CRISPLD2: variants seen among roughly 807,000 people sequenced by gnomAD.
CRISPLD2 encodes cysteine rich secretory protein LCCL domain containing 2, also known as cysteine-rich secretory protein LCCL domain-containing 2.
CRISPLD2 carries 47 observed loss-of-function variants against 71.1 expected under a neutral mutation model. The observed-to-expected ratio is 0.66, with a 90% CI of 0.52 to 0.84. CRISPLD2 has a LOEUF of 0.84. CRISPLD2 is among the 40% of genes least tolerant of loss of function. The pLI is 0.00. For missense variants in CRISPLD2, 830 were observed against 651.1 expected, an observed-to-expected ratio of 1.27 and a Z score of -2.99; for synonymous variants, 317 against 250.1, an observed-to-expected ratio of 1.27 and a Z score of -2.52.
chr16:84,903,212 C>T lies in CRISPLD2; in HGVS notation c.1440-3376C>T, dbSNP rs547714045. ...TTAATGCTCCCCTCCTCCCACCTTC[C>T]GGGTCTCCTCTCCAGCCTGGCCCCT... On this transcript the variant is annotated intron_variant, in intron 14 of 14. Transcript: ENST00000262424. 6.6e-5 allele frequency among the ~76,000 whole-genome samples: 10 copies of T among 152,282 alleles called. No homozygotes were observed. The South Asian group carries it at 8.3e-4, about 13-fold the overall frequency.
chr16:84,882,593 C>G (rs145968357), intron 13 of CRISPLD2, among the ~76,000 whole-genome samples: 1 of 152,050 alleles, frequency 6.6e-6, no homozygotes, highest in African/African-American at 2.4e-5. Context: ...TTAGTAGAGA[C>G]GGGGTTTCAC....
At chr16:84,841,387 G>T (rs537409933) in intron 2 of CRISPLD2, among the ~76,000 whole-genome samples, 1 of 152,288 alleles carries the variant, frequency 6.6e-6, no homozygotes, top group African/African-American at 2.4e-5. Flanking sequence ...CAAAAAGCCA[G>T]CAGGGCCATG....
intron 14 of CRISPLD2, among the ~76,000 whole-genome samples, chr16:84,890,611 C>T (rs1013087464): frequency 6.6e-6 from 1 of 151,778 alleles, no homozygotes; most frequent in East Asian, 2.0e-4. Context: ...CCTTAAATCC[C>T]TAGAAGTGGG....
rs182692512 is a variant in CRISPLD2, at chr16:84,892,019, C to T, written c.1439+2656C>T. On this transcript the variant is annotated intron_variant, in intron 14 of 14. Coordinates refer to ENST00000262424, the MANE Select transcript of CRISPLD2 (RefSeq NM_031476.4). The stretch of plus-strand genomic sequence containing the variant: ...TTAAGACTTTGCTTTTCTTGCTCCT[C>T]AGACTCTCTGCTCCTCCGTCCTGTG... Among the ~76,000 whole-genome samples, 355 of 152,342 alleles carry T rather than the reference C, an allele frequency of 2.3e-3. 2 individuals carry two copies. Among genetic ancestry groups the T allele is most frequent in the African/African-American group, 8.2e-3 (343 of 41,582 alleles).
At chr16:84,890,808 A>G (rs776557084) in intron 14 of CRISPLD2, among the ~76,000 whole-genome samples, 112 of 152,274 alleles carry the variant, frequency 7.4e-4, no homozygotes, top group Non-Finnish European at 1.0e-3. Flanking sequence ...AAAAAAGAAA[A>G]AAAGACCAAA....
chr16:84,874,142 G>A (rs1395640090), intron 11 of CRISPLD2, among the ~76,000 whole-genome samples, 179 bp downstream of exon 11: 2 of 152,118 alleles, frequency 1.3e-5, no homozygotes, highest in Non-Finnish European at 2.9e-5. Flanking sequence ...AGAATATCTG[G>A]ACTGGAAATT....
At chr16:84,893,027 C>T (rs1436481664) in intron 14 of CRISPLD2, among the ~76,000 whole-genome samples, 1 of 150,556 alleles carries the variant, frequency 6.6e-6, no homozygotes, top group South Asian at 2.1e-4. Context: ...ATTCATCACG[C>T]ACCTGTGCTG....
At chr16:84,902,976 C>T (rs1198120490) in intron 14 of CRISPLD2, among the ~76,000 whole-genome samples, 3 of 151,832 alleles carry the variant, frequency 2.0e-5, no homozygotes, top group African/African-American at 7.3e-5. Flanking sequence ...CTGTGTTGAG[C>T]AGGCTGGTCT....
chr16:84,904,005 A>G (rs1027121801), intron 14 of CRISPLD2, among the ~76,000 whole-genome samples: 1 of 152,188 alleles, frequency 6.6e-6, no homozygotes. Context: ...ACCTCTGGCC[A>G]TTGTCAGGAA....
rs901368237 is a variant in CRISPLD2, at chr16:84,908,183, T to C, written c.*1541T>C. 1 of 152,206 alleles carries C rather than the reference T, an allele frequency of 6.6e-6. No individual in the cohort carries two copies. The highest frequency in any genetic ancestry group is 2.4e-5 in the African/African-American group (1 of 41,432). 9.4% of individuals were successfully genotyped at this position (152,206 alleles called of 1,614,324 possible). A position where few individuals can be genotyped will look rare whatever the true frequency, so the allele number is the denominator to read the frequency against. ...AATAAATGCAGAATCTGAAGGTAAATAGGTTTAAAACAAAACAAAAACCCA... is the reference window on the plus strand; with the variant it reads ...AATAAATGCAGAATCTGAAGGTAAACAGGTTTAAAACAAAACAAAAACCCA... On this transcript the variant is annotated 3_prime_UTR_variant, in exon 15 of 15. Transcript: ENST00000262424.
Position 84,906,654 on chromosome 16 carries a change from C to A in CRISPLD2, c.*12C>A. On this transcript the variant is annotated 3_prime_UTR_variant, in exon 15 of 15. Transcript: ENST00000262424. ...CTGTCAGGCAGTGAATTTCCAGCACCAGGGGAGAAGGGGCGTCTTCAGGAG... is the reference window on the plus strand; with the variant it reads ...CTGTCAGGCAGTGAATTTCCAGCACAAGGGGAGAAGGGGCGTCTTCAGGAG... The A allele has an allele frequency of 6.2e-7, 1 of 1,614,104 alleles. No individual in the cohort carries two copies. The highest frequency in any genetic ancestry group is 1.1e-5 in the South Asian group (1 of 91,076).
chr16:84,840,178 C>T (rs912899492), intron 2 of CRISPLD2, among the ~76,000 whole-genome samples: 3 of 152,176 alleles, frequency 2.0e-5, no homozygotes, highest in East Asian at 1.9e-4. Flanking sequence ...GCTGTGGTCA[C>T]GTTCCTTTGC....
At chr16:84,824,729 C>A (rs905364985) in intron 1 of CRISPLD2, among the ~76,000 whole-genome samples, 1 of 152,216 alleles carries the variant, frequency 6.6e-6, no homozygotes, top group Non-Finnish European at 1.5e-5. Flanking sequence ...TGATCAGGTT[C>A]TCTGCCAGTG....
rs115837482 is a variant in CRISPLD2, at chr16:84,879,082, G to A, written c.1230-1427G>A. Among the ~76,000 whole-genome samples, 1,300 of 152,222 alleles carry A rather than the reference G, an allele frequency of 8.5e-3. 25 individuals are homozygous for A. Among genetic ancestry groups the A allele is most frequent in the African/African-American group, 0.03 (1,258 of 41,520 alleles). ...CCCAGGAGGGTGACTGGTTGGGAGGGGCCCAGACTGCTTTCCCTTGACTGC... is the reference window on the plus strand; with the variant it reads ...CCCAGGAGGGTGACTGGTTGGGAGGAGCCCAGACTGCTTTCCCTTGACTGC... On this transcript the variant is annotated intron_variant, in intron 12 of 14. Coordinates refer to ENST00000262424, the MANE Select transcript of CRISPLD2 (RefSeq NM_031476.4).
chr16:84,871,986 T>C (rs2071475061), intron 8 of CRISPLD2, among the ~76,000 whole-genome samples: 1 of 151,110 alleles, frequency 6.6e-6, no homozygotes, highest in African/African-American at 2.4e-5. Context: ...ATCAAAAATA[T>C]ATTTCTTAAA....
rs765704119 is a variant in CRISPLD2, at chr16:84,877,430, G to T, written c.1157-8G>T. The T allele has an allele frequency of 6.8e-6, 11 of 1,613,456 alleles. No homozygotes were observed. The highest frequency in any genetic ancestry group is 9.3e-6 in the Non-Finnish European group (11 of 1,179,630). On this transcript the variant is annotated splice_region_variant and splice_polypyrimidine_tract_variant and intron_variant, in intron 11 of 14. Transcript: ENST00000262424. Reference sequence around the variant, plus strand: ...ACCTGACCCTTTCCCCCTTGCTCCTGTTCACAGTGCAGGATTTGGACTGCT... The same window carrying T: ...ACCTGACCCTTTCCCCCTTGCTCCTTTTCACAGTGCAGGATTTGGACTGCT...
At chr16:84,848,623 T>G (rs1398120440) in intron 3 of CRISPLD2, among the ~76,000 whole-genome samples, 1 of 152,140 alleles carries the variant, frequency 6.6e-6, no homozygotes, top group Admixed American at 6.5e-5. Flanking sequence ...GTATTTTTAG[T>G]AGAGACGGGG....
intron 6 of CRISPLD2, among the ~76,000 whole-genome samples, chr16:84,862,195 T>C (rs1567691886): frequency 6.6e-6 from 1 of 151,872 alleles, no homozygotes; most frequent in African/African-American, 2.4e-5. Context: ...GGCGGTGCGA[T>C]TTTCTACCTA....
Position 84,846,868 on chromosome 16 carries a change from C to T in CRISPLD2, c.359+964C>T, listed in dbSNP as rs1036434029. On this transcript the variant is annotated intron_variant, in intron 3 of 14. Coordinates refer to ENST00000262424, the MANE Select transcript of CRISPLD2 (RefSeq NM_031476.4). ...TTGACGGTTGTCTGTTAAATGCAGCCGACGGGCCTTCCCCAGAGTAAGCTG... is the reference window on the plus strand; with the variant it reads ...TTGACGGTTGTCTGTTAAATGCAGCTGACGGGCCTTCCCCAGAGTAAGCTG... Among the ~76,000 whole-genome samples the T allele has an allele frequency of 3.9e-5, 6 of 152,280 alleles. No individual in the cohort carries two copies. In the East Asian group the frequency reaches 5.8e-4, roughly 15 times the overall value.
Sources: allele counts gnomAD v4.1 joint callset (sites outside exome capture counted in the v4.1 genomes callset), GRCh38; gene constraint gnomAD v4.1.1; transcripts MANE v1.5; gene names NCBI Gene and HGNC (gene_info 2026-07-23, HGNC 2026-07-21).